Variants in LRBA observed in about 807,000 individuals in gnomAD.
LRBA encodes the protein LPS responsive beige-like anchor protein.
LRBA carries 176 observed loss-of-function variants against 330.0 expected under a neutral mutation model. The ratio of observed to expected loss-of-function variants is 0.53; its 90% confidence interval spans 0.47 to 0.60. The LOEUF (loss-of-function observed/expected upper bound fraction) is 0.60. LRBA is among the 20% of genes least tolerant of loss of function. The pLI is 0.00. For synonymous variants in LRBA, 1,230 were observed against 1,193.0 expected, an observed-to-expected ratio of 1.03 and a Z score of -0.64; for missense variants, 3,259 against 3,444.8, an observed-to-expected ratio of 0.95 and a Z score of 1.35.
chr4:150,533,735 C>G (rs866574223), intron 40 of LRBA, among the ~76,000 whole-genome samples: 1 of 152,306 alleles, frequency 6.6e-6, no homozygotes, highest in East Asian at 1.9e-4. Context: ...TCTTTCCCCC[C>G]ATTCCAGTGT....
At chr4:150,673,057 CCA>C (rs1389375478) in intron 37 of LRBA, among the ~76,000 whole-genome samples, 1 of 152,068 alleles carries the variant, frequency 6.6e-6, no homozygotes, top group Non-Finnish European at 1.5e-5. Context: ...CTTGGCTTTG[CCA>C]GAAAACCAGT....
intron 2 of LRBA, among the ~76,000 whole-genome samples, chr4:151,009,034 TA>T (rs1297462420): frequency 8.7e-6 from 1 of 115,314 alleles, no homozygotes; most frequent in Non-Finnish European, 1.7e-5. Flanking sequence ...TATAAAATGG[TA>T]TTTTTTTTTC....
At chr4:150,776,164 A>G (rs1737300651) in intron 34 of LRBA, among the ~76,000 whole-genome samples, 1 of 152,150 alleles carries the variant, frequency 6.6e-6, no homozygotes, top group African/African-American at 2.4e-5. Flanking sequence ...AGAAACAGTA[A>G]TTCATGGCTG....
chr4:150,910,213 G>A, intron 9 of LRBA, among the ~76,000 whole-genome samples: 1 of 152,168 alleles, frequency 6.6e-6, no homozygotes, highest in East Asian at 1.9e-4. Flanking sequence ...CGGTATCACA[G>A]TCAAGAAATC....
intron 40 of LRBA, among the ~76,000 whole-genome samples, chr4:150,564,670 G>T (rs867163269): frequency 1.3e-5 from 2 of 151,998 alleles, no homozygotes; most frequent in Non-Finnish European, 2.9e-5. Context: ...AATCTACAAA[G>T]AACTTAAACA....
chr4:150,286,506 C>T (rs2126782122), intron 53 of LRBA, among the ~76,000 whole-genome samples: 1 of 152,066 alleles, frequency 6.6e-6, no homozygotes, highest in East Asian at 1.9e-4. Context: ...ATTCTGCAGC[C>T]CCTCTCTTAA....
chr4:150,498,223 G>A (rs780265488), intron 40 of LRBA, among the ~76,000 whole-genome samples: 11 of 152,110 alleles, frequency 7.2e-5, no homozygotes, highest in Non-Finnish European at 1.5e-4. Flanking sequence ...TATTTGTGCT[G>A]GAGTTGATGC....
chr4:150,470,979 A>C (rs75855326), intron 43 of LRBA, among the ~76,000 whole-genome samples: 2,471 of 152,140 alleles, frequency 0.016, 73 homozygotes, highest in African/African-American at 0.055. Flanking sequence ...TGCAGCTCTA[A>C]TATCACTTAG....
chr4:150,562,072 CT>C (rs1183999918), intron 40 of LRBA, among the ~76,000 whole-genome samples: 7 of 148,058 alleles, frequency 4.7e-5, no homozygotes, highest in African/African-American at 1.7e-4. Context: ...CCACTATTCT[CT>C]TTCCCCCTTA....
intron 35 of LRBA, among the ~76,000 whole-genome samples, chr4:150,760,554 A>AACACAC (rs143415433): frequency 1.1e-4 from 16 of 147,932 alleles, no homozygotes; most frequent in African/African-American, 3.5e-4. Context: ...ACACCTCTCC[A>AACACAC]ACACACACAC....
At chr4:150,596,168 T>C (rs960490227) in intron 38 of LRBA, among the ~76,000 whole-genome samples, 1 of 151,900 alleles carries the variant, frequency 6.6e-6, no homozygotes, top group Non-Finnish European at 1.5e-5. Flanking sequence ...AGCAAGTTAA[T>C]GTGAACTTGG....
At chr4:150,750,986 C>T (rs900576643) in intron 35 of LRBA, among the ~76,000 whole-genome samples, 1 of 150,780 alleles carries the variant, frequency 6.6e-6, no homozygotes, top group Non-Finnish European at 1.5e-5. Flanking sequence ...CTAAGAGGTA[C>T]TGTTCAGGTA....
At chr4:150,982,026 T>C (rs909758478) in intron 2 of LRBA, among the ~76,000 whole-genome samples, 3 of 151,860 alleles carry the variant, frequency 2.0e-5, no homozygotes, top group African/African-American at 7.3e-5. Context: ...TGTTTCTTAG[T>C]TGTACAAAAA....
At chr4:151,011,454 C>T (rs1453141901) in intron 2 of LRBA, among the ~76,000 whole-genome samples, 1 of 151,676 alleles carries the variant, frequency 6.6e-6, no homozygotes, top group Non-Finnish European at 1.5e-5. Flanking sequence ...AAAAATTAGT[C>T]GGGCCTCATG....
chr4:150,514,174 G>A (rs1762106212), intron 40 of LRBA, among the ~76,000 whole-genome samples: 2 of 152,198 alleles, frequency 1.3e-5, no homozygotes, highest in African/African-American at 4.8e-5. Flanking sequence ...CCGAGTTCAA[G>A]TGATTCTCCT....
At chr4:150,707,647 G>A (rs1382381930) in intron 36 of LRBA, among the ~76,000 whole-genome samples, 1 of 151,658 alleles carries the variant, frequency 6.6e-6, no homozygotes. Flanking sequence ...AAAAGGAGAG[G>A]AGAGAAGCCA....
Position 150,973,220 on chromosome 4 carries a change from T to C in LRBA, c.216+41207A>G, listed in dbSNP as rs971409627. On this transcript the variant is annotated intron_variant, in intron 2 of 56. Transcript: ENST00000651943. ...TTTGCTCTTGTTGCCCAGGCTGGAG[T>C]GCAATGGCATGATCTCAGCTCACTG... Among the ~76,000 whole-genome samples, 8 of 152,260 alleles carry C rather than the reference T, an allele frequency of 5.3e-5. No homozygotes were observed. In the East Asian group the frequency reaches 1.5e-3, roughly 29 times the overall value.
intron 42 of LRBA, among the ~76,000 whole-genome samples, chr4:150,487,523 A>G (rs1758022335): frequency 6.6e-6 from 1 of 151,592 alleles, no homozygotes; most frequent in South Asian, 2.1e-4. Context: ...AAAACTTAAT[A>G]ACTTAAAACA....
At chr4:150,665,663 A>G (rs1447317493) in intron 37 of LRBA, among the ~76,000 whole-genome samples, 1 of 152,180 alleles carries the variant, frequency 6.6e-6, no homozygotes, top group African/African-American at 2.4e-5. Context: ...TAGCCTTTTG[A>G]GTCTGGCTTC....
Sources: gnomAD v4.1 joint callset for allele counts (sites outside exome capture counted in the v4.1 genomes callset) on GRCh38, gnomAD v4.1.1 for gene constraint, MANE v1.5 for transcripts, NCBI Gene and HGNC (gene_info 2026-07-23, HGNC 2026-07-21) for gene names.